Variants in CRIM1 observed in about 807,000 individuals in gnomAD.
CRIM1 encodes the protein cysteine-rich motor neuron 1 protein.
A neutral mutation model predicts 116.4 loss-of-function variants in CRIM1; 32 were observed. The observed-to-expected ratio is 0.27, with a 90% CI of 0.21 to 0.37. The LOEUF is 0.37. CRIM1 is among the 10% of genes least tolerant of loss of function. The pLI, the probability that CRIM1 is intolerant of heterozygous loss-of-function variation, is 1.00. For missense variants in CRIM1, 1,331 were observed against 1,354.8 expected, an observed-to-expected ratio of 0.98 and a Z score of 0.28; for synonymous variants, 590 against 509.2, an observed-to-expected ratio of 1.16 and a Z score of -2.13.
chr2:36,479,278 C>G (rs711251), intron 6 of CRIM1, among the ~76,000 whole-genome samples: 18,073 of 152,192 alleles, frequency 0.12, 2,398 homozygotes, highest in East Asian at 0.57. Context: ...ATCCTCTTCT[C>G]TGGGACTGCT....
At chr2:36,509,292 G>A (rs867911037) in intron 8 of CRIM1, among the ~76,000 whole-genome samples, 7 of 152,150 alleles carry the variant, frequency 4.6e-5, no homozygotes, top group Non-Finnish European at 7.4e-5. Flanking sequence ...TGACACTGGC[G>A]GATCACTTGA....
chr2:36,501,912 A>G (rs190948154), intron 8 of CRIM1, among the ~76,000 whole-genome samples: 7 of 152,342 alleles, frequency 4.6e-5, no homozygotes, highest in Non-Finnish European at 7.3e-5. Flanking sequence ...TTGCCTTGGC[A>G]GCCCAAGTTT....
chr2:36,372,741 A>T (rs1670023721), intron 1 of CRIM1, among the ~76,000 whole-genome samples: 2 of 152,280 alleles, frequency 1.3e-5, no homozygotes, highest in South Asian at 4.1e-4. Context: ...ATTGTTGATA[A>T]TGTTAGTGTA....
chr2:36,536,919 A>T (rs996856749), intron 13 of CRIM1, among the ~76,000 whole-genome samples: 4 of 151,046 alleles, frequency 2.6e-5, no homozygotes, highest in East Asian at 3.9e-4. Context: ...CTCGGTGCTG[A>T]CTCCCACTCA....
intron 14 of CRIM1, among the ~76,000 whole-genome samples, chr2:36,540,516 C>T (rs1056914847): frequency 6.8e-6 from 1 of 146,272 alleles, no homozygotes; most frequent in Non-Finnish European, 1.5e-5. Context: ...AAGTCAAGGC[C>T]GGTGCCTCTA....
chr2:36,380,575 C>T (rs1041773321), intron 1 of CRIM1, among the ~76,000 whole-genome samples: 22 of 152,186 alleles, frequency 1.4e-4, no homozygotes, highest in Non-Finnish European at 2.5e-4. Flanking sequence ...ACCTGCAGAA[C>T]AAAGAAATCA....
chr2:36,370,083 A>G (rs1669849681), intron 1 of CRIM1, among the ~76,000 whole-genome samples: 1 of 152,214 alleles, frequency 6.6e-6, no homozygotes, highest in South Asian at 2.1e-4. Flanking sequence ...ATTTGAAAAA[A>G]CAGTTCTAAT....
At chr2:36,485,913 A>G (rs2125059402) in intron 7 of CRIM1, among the ~76,000 whole-genome samples, 1 of 152,356 alleles carries the variant, frequency 6.6e-6, no homozygotes, top group South Asian at 2.1e-4. Context: ...AGTTCCATAA[A>G]TGGAAATTAA....
intron 11 of CRIM1, among the ~76,000 whole-genome samples, chr2:36,515,284 A>G (rs1310982446): frequency 6.6e-6 from 1 of 152,256 alleles, no homozygotes; most frequent in Non-Finnish European, 1.5e-5. Flanking sequence ...GAAAATCAGT[A>G]GAACCAGAAA....
At chr2:36,514,791 A>G (rs1664930985) in intron 11 of CRIM1, among the ~76,000 whole-genome samples, 1 of 152,214 alleles carries the variant, frequency 6.6e-6, no homozygotes, top group Non-Finnish European at 1.5e-5. Flanking sequence ...CTTGTTCGCC[A>G]TGGTTGGGGA....
chr2:36,529,418 G>A (rs1572937897), intron 13 of CRIM1: 1 of 221,204 alleles, frequency 4.5e-6, no homozygotes, highest in East Asian at 1.0e-4. Flanking sequence ...CCTAAAAGAA[G>A]TTGTATTTCT....
At chr2:36,415,980 C>T (rs554502909) in intron 2 of CRIM1, among the ~76,000 whole-genome samples, 3 of 152,060 alleles carry the variant, frequency 2.0e-5, no homozygotes, top group South Asian at 2.1e-4. Flanking sequence ...GGCCAAGGCA[C>T]GCGGATCACT....
intron 7 of CRIM1, among the ~76,000 whole-genome samples, chr2:36,493,051 A>G (rs1680342608): frequency 6.6e-6 from 1 of 152,198 alleles, no homozygotes; most frequent in African/African-American, 2.4e-5. Flanking sequence ...AGAGACAGAT[A>G]GGAATTGTTA....
intron 1 of CRIM1, among the ~76,000 whole-genome samples, chr2:36,395,846 T>C (rs1161271705): frequency 6.6e-6 from 1 of 152,184 alleles, no homozygotes; most frequent in Admixed American, 6.5e-5. Context: ...TGGTGTCTGA[T>C]TTTTGATGTT....
chr2:36,544,327 C>CTAT (rs1667161015), intron 14 of CRIM1, 49 bp from the exon 15 acceptor site: 8 of 1,315,274 alleles, frequency 6.1e-6, no homozygotes, highest in Non-Finnish European at 7.8e-6. Context: ...CAAAAGCCAA[C>CTAT]AATACAGCAG....
chr2:36,537,301 C>T, intron 13 of CRIM1, 51 bp from the exon 14 acceptor site: 1 of 1,505,500 alleles, frequency 6.6e-7, no homozygotes, highest in Non-Finnish European at 9.2e-7. Context: ...CTAATAAGAT[C>T]GTGTGCGTTG....
intron 2 of CRIM1, among the ~76,000 whole-genome samples, chr2:36,433,916 G>T (rs1482015960): frequency 6.6e-6 from 1 of 151,960 alleles, no homozygotes; most frequent in Non-Finnish European, 1.5e-5. Context: ...CCTAAATTCG[G>T]AGTCTTAAGA....
intron 12 of CRIM1, among the ~76,000 whole-genome samples, chr2:36,518,476 A>C (rs1022121682): frequency 3.3e-5 from 5 of 152,142 alleles, no homozygotes; most frequent in African/African-American, 1.2e-4. Flanking sequence ...TTCCGTCATT[A>C]TGTGCAGCAT....
At chr2:36,394,716 G>A (rs925824526) in intron 1 of CRIM1, among the ~76,000 whole-genome samples, 30 of 152,010 alleles carry the variant, frequency 2.0e-4, no homozygotes, top group African/African-American at 7.0e-4. Flanking sequence ...TAAATTGTGT[G>A]TCGGTATAAA....
Sources: allele counts gnomAD v4.1 joint callset (sites outside exome capture counted in the v4.1 genomes callset), GRCh38; gene constraint gnomAD v4.1.1; transcripts MANE v1.5; gene names NCBI Gene and HGNC (gene_info 2026-07-23, HGNC 2026-07-21).